Variants in STK32B observed in about 807,000 individuals in gnomAD.
STK32B encodes the protein serine/threonine-protein kinase 32B.
STK32B carries 43 observed loss-of-function variants against 52.6 expected under a neutral mutation model. The ratio of observed to expected loss-of-function variants is 0.82; its 90% CI spans 0.64 to 1.05. STK32B has a LOEUF of 1.05. STK32B is among the 50% of genes least tolerant of loss of function. The probability of loss-of-function intolerance (pLI) is 0.00; values close to 1 mark genes in which losing one functional copy is unlikely to be tolerated. For synonymous variants in STK32B, 238 were observed against 204.3 expected, an observed-to-expected ratio of 1.17 and a Z score of -1.41; for missense variants, 621 against 534.6, an observed-to-expected ratio of 1.16 and a Z score of -1.59.
intron 8 of STK32B, among the ~76,000 whole-genome samples, chr4:5,457,280 G>A (rs189698663): frequency 0.022 from 3,200 of 144,332 alleles, 140 homozygotes; most frequent in African/African-American, 0.077. Flanking sequence ...CAGTGGCGCA[G>A]TCTCGACTCA....
At chr4:5,373,958 G>GA (rs1735415753) in intron 4 of STK32B, among the ~76,000 whole-genome samples, 1 of 152,296 alleles carries the variant, frequency 6.6e-6, no homozygotes, top group African/African-American at 2.4e-5. Flanking sequence ...AACCTTAATT[G>GA]AAAATAGGAT....
rs1718265049 is a variant in STK32B at position 5,159,719 on chromosome 4, A to G, written c.109-8580A>G. ...TGAATATATATGAATATATATATGA[A>G]TGTATATGAATATATATATGAATAT... On this transcript the variant is annotated intron_variant, in intron 2 of 11. Coordinates refer to ENST00000282908, the MANE Select transcript of STK32B (RefSeq NM_018401.3). Among the ~76,000 whole-genome samples, 2 of 107,062 alleles carry G rather than the reference A, an allele frequency of 1.9e-5. 1 individual carries two copies. Among genetic ancestry groups the G allele is most frequent in the Non-Finnish European group, 3.4e-5 (2 of 59,102 alleles). 70.2% of individuals were successfully genotyped at this position (107,062 alleles called of 152,430 possible).
rs188726540 is a variant in STK32B at position 5,321,240 on chromosome 4, C to T, written c.261-9980C>T. 5.3e-5 allele frequency among the ~76,000 whole-genome samples: 8 copies of T among 152,094 alleles called. No homozygotes were observed. The East Asian group carries it at 1.4e-3, about 26-fold the overall frequency. ...TGAGATCTCCAATGTAAAGAGCTCA[C>T]ATAGAGCAAGGAGCCTCGGTCAATG... On this transcript the variant is annotated intron_variant, in intron 3 of 11. Transcript: ENST00000282908.
At chr4:5,329,542 C>T (rs1221483168) in intron 3 of STK32B, among the ~76,000 whole-genome samples, 2 of 152,168 alleles carry the variant, frequency 1.3e-5, no homozygotes, top group Non-Finnish European at 2.9e-5. Context: ...TCCTTTCCCA[C>T]ACTCGCCTGC....
intron 1 of STK32B, among the ~76,000 whole-genome samples, chr4:5,054,541 T>G (rs1284519543): frequency 6.6e-6 from 1 of 152,090 alleles, no homozygotes; most frequent in Non-Finnish European, 1.5e-5. Flanking sequence ...TTAGTACTCC[T>G]GCATTGTGGA....
intron 6 of STK32B, among the ~76,000 whole-genome samples, chr4:5,426,258 G>T (rs530421836): frequency 6.6e-6 from 1 of 152,128 alleles, no homozygotes; most frequent in Non-Finnish European, 1.5e-5. Flanking sequence ...TCGTCCCATC[G>T]TTGAGGTCAT....
chr4:5,323,479 A>G (rs531948717), intron 3 of STK32B, among the ~76,000 whole-genome samples: 1 of 152,232 alleles, frequency 6.6e-6, no homozygotes, highest in Admixed American at 6.5e-5. Flanking sequence ...GGCTATGGGG[A>G]GAGACTGGTG....
At chr4:5,462,470 C>G (rs1014556274) in intron 9 of STK32B, among the ~76,000 whole-genome samples, 1 of 152,048 alleles carries the variant, frequency 6.6e-6, no homozygotes, top group African/African-American at 2.4e-5. Context: ...GGCAATGGCT[C>G]AATGCTGGGG....
At chr4:5,056,797 T>TA (rs1407149822) in intron 1 of STK32B, among the ~76,000 whole-genome samples, 1 of 152,074 alleles carries the variant, frequency 6.6e-6, no homozygotes, top group African/African-American at 2.4e-5. Context: ...ATTCAGGGGG[T>TA]AGAGTCAGCT....
At chr4:5,019,674 G>C in the STK32B span, among the ~76,000 whole-genome samples, 1 of 152,190 alleles carries the variant, frequency 6.6e-6, no homozygotes, top group Non-Finnish European at 1.5e-5. Flanking sequence ...GGGTGACAGA[G>C]GGTGGCTTTG....
At chr4:5,456,474 C>T (rs1044237176) in intron 7 of STK32B, among the ~76,000 whole-genome samples, 17 of 152,200 alleles carry the variant, frequency 1.1e-4, no homozygotes, top group South Asian at 1.0e-3. Context: ...AGAGTCAGCC[C>T]GCAAGCCTGT....
At chr4:5,360,728 C>T (rs1734488682) in intron 4 of STK32B, among the ~76,000 whole-genome samples, 1 of 152,106 alleles carries the variant, frequency 6.6e-6, no homozygotes, top group Non-Finnish European at 1.5e-5. Flanking sequence ...ATCGCTTGAA[C>T]CAGGGAGGTG....
At chr4:5,408,179 A>G (rs772894347) in intron 5 of STK32B, among the ~76,000 whole-genome samples, 1 of 152,108 alleles carries the variant, frequency 6.6e-6, no homozygotes, top group Non-Finnish European at 1.5e-5. Context: ...GAAAGAAGCT[A>G]ATAAGGTACT....
At chr4:5,043,631 C>T in the STK32B span, among the ~76,000 whole-genome samples, 22 of 152,324 alleles carry the variant, frequency 1.4e-4, no homozygotes, top group Non-Finnish European at 2.8e-4. Context: ...TTGTCCCAGA[C>T]CATGGCTACT....
chr4:5,170,578 T>A (rs73210291), intron 3 of STK32B, among the ~76,000 whole-genome samples: 28,544 of 151,984 alleles, frequency 0.19, 3,380 homozygotes, highest in East Asian at 0.31. Context: ...CTTGTCCTCG[T>A]GATAGTTTGC....
chr4:5,323,810 C>T (rs1731686916), intron 3 of STK32B, among the ~76,000 whole-genome samples: 2 of 152,128 alleles, frequency 1.3e-5, no homozygotes, highest in Non-Finnish European at 2.9e-5. Flanking sequence ...AGTTCACTGG[C>T]TGGTGGGGAA....
At chr4:5,390,310 T>C (rs1469170480) in intron 4 of STK32B, among the ~76,000 whole-genome samples, 1 of 152,190 alleles carries the variant, frequency 6.6e-6, no homozygotes, top group African/African-American at 2.4e-5. Flanking sequence ...ATCCCAGTTA[T>C]AATGGGCGTT....
At chr4:5,253,478 G>A (rs112979914) in intron 3 of STK32B, among the ~76,000 whole-genome samples, 1 of 152,030 alleles carries the variant, frequency 6.6e-6, no homozygotes, top group Admixed American at 6.6e-5. Context: ...AGGCTCAAGC[G>A]ATTCTCCTGC....
chr4:5,086,221 C>T (rs1010524714), intron 1 of STK32B, among the ~76,000 whole-genome samples: 16 of 152,192 alleles, frequency 1.1e-4, no homozygotes, highest in African/African-American at 3.9e-4. Context: ...GAGGAAGCCC[C>T]AGACTTTCAC....
Sources: gnomAD v4.1 joint callset for allele counts (sites outside exome capture counted in the v4.1 genomes callset) on GRCh38, gnomAD v4.1.1 for gene constraint, MANE v1.5 for transcripts, NCBI Gene and HGNC (gene_info 2026-07-23, HGNC 2026-07-21) for gene names.